GALNT14: variants seen among roughly 807,000 people sequenced by gnomAD.
The protein encoded by GALNT14 is polypeptide N-acetylgalactosaminyltransferase 14, also known as UDP-GalNAc:polypeptide N-acetylgalactosaminyltransferase 14.
In GALNT14, 60 loss-of-function variants were observed where a neutral mutation model predicts 77.5. That is an observed-to-expected ratio of 0.77 (90% CI 0.63 to 0.96). The LOEUF is 0.96. Among genes scored for constraint, GALNT14 ranks in the 40% least tolerant of loss-of-function variants. The pLI is 0.00. For missense variants in GALNT14, 710 were observed against 731.0 expected, an observed-to-expected ratio of 0.97 and a Z score of 0.33; for synonymous variants, 280 against 281.7, an observed-to-expected ratio of 0.99 and a Z score of 0.06.
At chr2:31,013,580 A>G (rs890081443) in intron 1 of GALNT14, among the ~76,000 whole-genome samples, 1 of 152,194 alleles carries the variant, frequency 6.6e-6, no homozygotes, top group Non-Finnish European at 1.5e-5. Flanking sequence ...GGTGCCGTTC[A>G]AGTACGGACA....
At chr2:31,115,773 G>C (rs755675228) in intron 1 of GALNT14, among the ~76,000 whole-genome samples, 1 of 152,182 alleles carries the variant, frequency 6.6e-6, no homozygotes, top group Non-Finnish European at 1.5e-5. Flanking sequence ...TTACTAGGCT[G>C]CTGCCAGGCA....
intron 1 of GALNT14, among the ~76,000 whole-genome samples, chr2:31,043,532 C>A (rs956852760): frequency 1.3e-5 from 2 of 152,126 alleles, no homozygotes; most frequent in Non-Finnish European, 2.9e-5. Flanking sequence ...GCCAAAAACA[C>A]TGTGCTTGAA....
At chr2:31,113,031 C>A (rs563002415) in intron 1 of GALNT14, among the ~76,000 whole-genome samples, 2 of 152,218 alleles carry the variant, frequency 1.3e-5, no homozygotes, top group Admixed American at 1.3e-4. Context: ...ACTGAAACCC[C>A]TCTCTTAGAC....
At chr2:30,888,363 G>C in the GALNT14 span, among the ~76,000 whole-genome samples, 29 of 152,358 alleles carry the variant, frequency 1.9e-4, 1 homozygote, top group African/African-American at 7.0e-4. Flanking sequence ...GGTGACTACA[G>C]AGAATAGTGT....
chr2:31,004,722 C>A (rs907895166), intron 1 of GALNT14, among the ~76,000 whole-genome samples: 1 of 152,160 alleles, frequency 6.6e-6, no homozygotes, highest in Non-Finnish European at 1.5e-5. Context: ...GGAAAATAAC[C>A]CTAAAAATAA....
At chr2:31,016,217 C>T (rs1029799314) in intron 1 of GALNT14, among the ~76,000 whole-genome samples, 3 of 152,182 alleles carry the variant, frequency 2.0e-5, no homozygotes, top group African/African-American at 7.2e-5. Flanking sequence ...TGGCCGTCTT[C>T]TGGCTGAGTC....
chr2:30,976,741 T>A (rs910370574), intron 2 of GALNT14, among the ~76,000 whole-genome samples: 1 of 152,192 alleles, frequency 6.6e-6, no homozygotes, highest in Non-Finnish European at 1.5e-5. Context: ...CTAAAAAAGA[T>A]ACCTTGGTGT....
intron 13 of GALNT14, among the ~76,000 whole-genome samples, chr2:30,923,056 CTTTTTTTTTTTT>C (rs56163710): frequency 6.9e-5 from 8 of 116,526 alleles, no homozygotes; most frequent in South Asian, 2.9e-4. Context: ...ACAAACGTGC[CTTTTTTTTTTTT>C]TTTTTTTTTT....
intron 1 of GALNT14, among the ~76,000 whole-genome samples, chr2:31,108,546 C>A (rs951308509): frequency 5.3e-5 from 8 of 152,192 alleles, no homozygotes; most frequent in Admixed American, 3.9e-4. Context: ...TCAAGGAAGG[C>A]CCAGATCTTC....
the GALNT14 span, among the ~76,000 whole-genome samples, chr2:30,898,479 C>T: frequency 6.6e-6 from 1 of 152,178 alleles, no homozygotes; most frequent in Non-Finnish European, 1.5e-5. Flanking sequence ...TCATTTCAAT[C>T]AATCTCACGG....
At chr2:31,073,485 A>G (rs963571940) in intron 1 of GALNT14, among the ~76,000 whole-genome samples, 1 of 148,530 alleles carries the variant, frequency 6.7e-6, no homozygotes, top group African/African-American at 2.5e-5. Flanking sequence ...GGGAATAAAG[A>G]GGGGGGGGGA....
chr2:30,894,328 A>G, the GALNT14 span, among the ~76,000 whole-genome samples: 59 of 152,322 alleles, frequency 3.9e-4, no homozygotes, highest in African/African-American at 1.4e-3. Flanking sequence ...AATGATTTCT[A>G]AAGTTGTTTT....
intron 1 of GALNT14, among the ~76,000 whole-genome samples, chr2:31,045,702 A>G (rs1673408227): frequency 6.6e-6 from 1 of 152,120 alleles, no homozygotes; most frequent in South Asian, 2.1e-4. Flanking sequence ...ACCTCAAGTG[A>G]TCTGCCCGCC....
At chr2:30,902,139 C>T in the GALNT14 span, among the ~76,000 whole-genome samples, 1 of 152,216 alleles carries the variant, frequency 6.6e-6, no homozygotes, top group African/African-American at 2.4e-5. Flanking sequence ...TGCACACCTG[C>T]AGGCAAAGGC....
intron 1 of GALNT14, among the ~76,000 whole-genome samples, chr2:31,077,575 C>A (rs1331802141): frequency 6.6e-6 from 1 of 152,170 alleles, no homozygotes; most frequent in Admixed American, 6.5e-5. Context: ...TTTATCAGGG[C>A]AAATGAAAGC....
intron 2 of GALNT14, among the ~76,000 whole-genome samples, chr2:30,976,993 C>G (rs951485562): frequency 2.6e-5 from 4 of 152,158 alleles, no homozygotes; most frequent in Non-Finnish European, 5.9e-5. Flanking sequence ...CTGGTTCCCC[C>G]CTACCAGTCG....
intron 1 of GALNT14, among the ~76,000 whole-genome samples, chr2:30,995,284 T>C (rs749206152): frequency 2.6e-5 from 4 of 152,116 alleles, no homozygotes; most frequent in Non-Finnish European, 4.4e-5. Context: ...ATGTTCGCTG[T>C]ACCTTTTCTG....
chr2:31,093,243 G>A (rs993758094), intron 1 of GALNT14, among the ~76,000 whole-genome samples: 2 of 152,224 alleles, frequency 1.3e-5, no homozygotes, highest in Admixed American at 6.5e-5. Flanking sequence ...GATGGAGAAA[G>A]AGTTAGTCCT....
intron 10 of GALNT14, 81 bp from the exon 11 acceptor site, chr2:30,929,568 T>C (rs190706721): frequency 2.9e-6 from 3 of 1,045,242 alleles, no homozygotes; most frequent in African/African-American, 3.1e-5. Context: ...AATACACATG[T>C]GTGGGCTGAG....
Sources: allele counts gnomAD v4.1 joint callset (sites outside exome capture counted in the v4.1 genomes callset), GRCh38; gene constraint gnomAD v4.1.1; transcripts MANE v1.5; gene names NCBI Gene and HGNC (gene_info 2026-07-23, HGNC 2026-07-21).